UPF2: variants seen among roughly 807,000 people sequenced by gnomAD.
The protein encoded by UPF2 is UPF2 regulator of nonsense mediated mRNA decay.
Under a neutral mutation model 141.4 loss-of-function variants are expected in UPF2, and 17 were observed. The observed-to-expected ratio is 0.12, with a 90% CI of 0.08 to 0.18. The LOEUF (loss-of-function observed/expected upper bound fraction) is 0.18, where lower values mean the gene tolerates loss of function less well. Ranked by LOEUF, UPF2 falls within the 10% of genes least tolerant of loss-of-function variation. The pLI is 1.00. For synonymous variants in UPF2, 540 were observed against 498.0 expected (o/e 1.08, Z -1.12); for missense variants, 1,152 against 1,515.9 (o/e 0.76, Z 3.99).
chr10:12,033,022 G>A (rs1013981859), intron 2 of UPF2, among the ~76,000 whole-genome samples: 3 of 152,104 alleles, frequency 2.0e-5, no homozygotes, highest in Non-Finnish European at 4.4e-5. Context: ...AAAATGGGAA[G>A]AAAGTAGAAG....
chr10:11,988,138 A>C (rs561911241), intron 8 of UPF2, among the ~76,000 whole-genome samples: 1 of 152,366 alleles, frequency 6.6e-6, no homozygotes, highest in Admixed American at 6.5e-5. Flanking sequence ...GCAAATGGCC[A>C]CTAAGCACAT....
At chr10:12,034,053 A>G (rs1240389673) in intron 2 of UPF2, among the ~76,000 whole-genome samples, 1 of 152,228 alleles carries the variant, frequency 6.6e-6, no homozygotes, top group East Asian at 1.9e-4. Flanking sequence ...CAAAAGTTTT[A>G]AAGTCAGACC....
Position 11,935,877 on chromosome 10 carries a change from T to C in UPF2, c.3546+668A>G, listed in dbSNP as rs939127494. 1.3e-5 allele frequency among the ~76,000 whole-genome samples: 2 copies of C among 152,014 alleles called. No homozygotes were observed. Among genetic ancestry groups the C allele is most frequent in the Admixed American group, 6.6e-5 (1 of 15,256 alleles). ...AACGGTTTTGAGGGACCATCTTGTATGAAGGGGGAAAGGGCAAACAAGAAG... is the reference window on the plus strand; with the variant it reads ...AACGGTTTTGAGGGACCATCTTGTACGAAGGGGGAAAGGGCAAACAAGAAG... On this transcript the variant is annotated intron_variant, in intron 19 of 21. Transcript: ENST00000357604. This position sits in a 1 kb window ranked among gnomAD's most constrained non-coding sequence, Gnocchi z 4.9.
Position 11,959,459 on chromosome 10 carries a change from G to C in UPF2, c.2185-103C>G, listed in dbSNP as rs1017796002. On this transcript the variant is annotated intron_variant, in intron 11 of 21. Coordinates refer to ENST00000357604, the MANE Select transcript of UPF2 (RefSeq NM_015542.4). The surrounding 1 kb of genome is among the most constrained non-coding windows in gnomAD (Gnocchi z 5.9). Reference sequence around the variant, plus strand: ...GTGATTTGCTATTTCAAAGTAATGGGTTAGAAAGGCAAAGAAAGGACTGGG... The same window carrying C: ...GTGATTTGCTATTTCAAAGTAATGGCTTAGAAAGGCAAAGAAAGGACTGGG... The C allele has an allele frequency of 3.9e-6, 5 of 1,282,604 alleles. No homozygotes were observed. The highest frequency in any genetic ancestry group is 2.6e-5 in the East Asian group (1 of 39,098). 79.5% of individuals were successfully genotyped at this position (1,282,604 alleles called of 1,614,324 possible). A position where few individuals can be genotyped will look rare whatever the true frequency, so the allele number is the denominator to read the frequency against.
rs1213556333 is a variant in UPF2 at position 11,939,747 on chromosome 10, C to T, written c.3378+2918G>A. Among the ~76,000 whole-genome samples the T allele has an allele frequency of 1.3e-5, 2 of 152,008 alleles. No individual in the cohort carries two copies. Among genetic ancestry groups the T allele is most frequent in the Non-Finnish European group, 2.9e-5 (2 of 67,996 alleles). ...GGCCAGGCTGGTCTTGAACTCCTGACCTCAGGTGATCCACCCGCCTCGGCC... is the reference window on the plus strand; with the variant it reads ...GGCCAGGCTGGTCTTGAACTCCTGATCTCAGGTGATCCACCCGCCTCGGCC... On this transcript the variant is annotated intron_variant, in intron 18 of 21. Coordinates refer to ENST00000357604, the MANE Select transcript of UPF2 (RefSeq NM_015542.4). The surrounding 1 kb of genome is among the most constrained non-coding windows in gnomAD (Gnocchi z 4.8).
chr10:12,042,838 T>C (rs1337926988), upstream of UPF2: 1 of 151,326 alleles, frequency 6.6e-6, no homozygotes, highest in Non-Finnish European at 1.5e-5. This position sits in a 1 kb window ranked among gnomAD's most constrained non-coding sequence, Gnocchi z 5.5. Context: ...CCCCCACCTA[T>C]CTCGCAGCCG....
rs554040980 is a variant in UPF2, at chr10:11,955,843, A to C, written c.2575-336T>G. Among the ~76,000 whole-genome samples, 22 of 152,288 alleles carry C rather than the reference A, an allele frequency of 1.4e-4. No homozygotes were observed. In the South Asian group the frequency reaches 4.4e-3, roughly 30 times the overall value. The stretch of plus-strand genomic sequence containing the variant: ...AGGAAACAATAAATCTGGGTTTTAC[A>C]GTAAGAGGAAACTGTTAGGCCGGGC... On this transcript the variant is annotated intron_variant, in intron 13 of 21. Transcript: ENST00000357604.
chr10:11,968,934 C>G (rs1236833278), intron 9 of UPF2, among the ~76,000 whole-genome samples: 3 of 152,186 alleles, frequency 2.0e-5, no homozygotes, highest in Non-Finnish European at 4.4e-5. Context: ...AATCTCGGCT[C>G]ACTGCGACCT....
chr10:11,934,019 T>C lies in UPF2; in HGVS notation c.3547-2237A>G, dbSNP rs202070400. ...AATTCAACAGACAGATATGTGCATG[T>C]GTGCATGCCTTCCAACTTTACAGCC... On this transcript the variant is annotated intron_variant, in intron 19 of 21. Transcript: ENST00000357604. 2.6e-5 allele frequency among the ~76,000 whole-genome samples: 4 copies of C among 152,226 alleles called. No homozygotes were observed. In the East Asian group the frequency reaches 7.7e-4, roughly 29 times the overall value.
intron 14 of UPF2, among the ~76,000 whole-genome samples, chr10:11,952,714 T>C (rs1344099460): frequency 6.6e-6 from 1 of 152,080 alleles, no homozygotes; most frequent in Non-Finnish European, 1.5e-5. Flanking sequence ...GACCTCGTGA[T>C]CCGCCCGCCT....
Position 12,035,081 on chromosome 10 carries a change from C to T in UPF2, c.343G>A (p.Glu115Lys), listed in dbSNP as rs887020051. The T allele has an allele frequency of 6.4e-7, 1 of 1,571,370 alleles. No homozygotes were observed. Among genetic ancestry groups the T allele is most frequent in the Non-Finnish European group, 8.6e-7 (1 of 1,168,730 alleles). Residue 115 changes from glutamate (E) to lysine (K), a missense_variant, in exon 2 of 22, where the codon GAA becomes AAA. This residue lies in a region of UPF2 where 145 missense variants were observed against 136.5 expected (regional missense o/e 1.06). Transcript: ENST00000357604. ...QEEQAKRQQE[E>K]EAAAQMKEKE... ...TACTTCATCTGAGCAGCTGCTTCTTCTTCTTGCTGACGTTTGGCCTGCTCT... is the reference window on the plus strand; with the variant it reads ...TACTTCATCTGAGCAGCTGCTTCTTTTTCTTGCTGACGTTTGGCCTGCTCT...
intron 16 of UPF2, among the ~76,000 whole-genome samples, chr10:11,944,195 G>A (rs992922773): frequency 6.6e-6 from 1 of 152,068 alleles, no homozygotes; most frequent in Non-Finnish European, 1.5e-5. Flanking sequence ...AAATGAAAAC[G>A]TTTCAAAAAC....
intron 3 of UPF2, among the ~76,000 whole-genome samples, chr10:12,015,043 G>A (rs976727472): frequency 2.6e-5 from 4 of 152,056 alleles, no homozygotes; most frequent in Admixed American, 6.6e-5. Context: ...TATTATATTC[G>A]TATAAATCAC....
chr10:11,927,419 T>G (rs1015136513), intron 21 of UPF2, among the ~76,000 whole-genome samples: 1 of 152,248 alleles, frequency 6.6e-6, no homozygotes, highest in African/African-American at 2.4e-5. Flanking sequence ...ACCGCATTAC[T>G]TTTTACCAAC....
rs1177062602 is a variant in UPF2, at chr10:12,035,256, C to G, written c.168G>C (p.Lys56Asn). ...TCTTATCATCTTCCAGTCTCTTCTT[C>G]TTGTCTTCAGGGGCCTTGCTGACCT... ...KKEVSKAPED[K>N]KKRLEDDKRK... The change falls in exon 2 of 22, where the codon AAG becomes AAC. Residue 56 changes from lysine to asparagine, a missense_variant. This residue lies in a region of UPF2 where 145 missense variants were observed against 136.5 expected (regional missense o/e 1.06). Coordinates refer to ENST00000357604, the MANE Select transcript of UPF2 (RefSeq NM_015542.4). The G allele has an allele frequency of 6.2e-7, 1 of 1,613,670 alleles. No homozygotes were observed. Among genetic ancestry groups the G allele is most frequent in the Non-Finnish European group, 8.5e-7 (1 of 1,179,972 alleles).
At chr10:12,001,627 T>C in intron 6 of UPF2, 49 bp downstream of exon 6, 1 of 1,520,058 alleles carries the variant, frequency 6.6e-7, no homozygotes, top group Non-Finnish European at 8.9e-7. Flanking sequence ...GCAAGAGCTC[T>C]GTGTGTAAAA....
intron 9 of UPF2, among the ~76,000 whole-genome samples, chr10:11,974,768 G>C (rs1378823202): frequency 2.0e-5 from 3 of 152,112 alleles, no homozygotes; most frequent in African/African-American, 7.2e-5. Flanking sequence ...TGTGCTGCTG[G>C]AATTAAAGAG....
chr10:11,974,899 C>T (rs1016118584), intron 9 of UPF2, among the ~76,000 whole-genome samples: 1 of 152,116 alleles, frequency 6.6e-6, no homozygotes, highest in Non-Finnish European at 1.5e-5. Context: ...TTTTATCTCA[C>T]ACATATCTAT....
chr10:11,971,301 C>A (rs968023616), intron 9 of UPF2, among the ~76,000 whole-genome samples: 13 of 147,970 alleles, frequency 8.8e-5, no homozygotes, highest in Middle Eastern at 3.3e-3. Context: ...GTTGCCCAGG[C>A]TGGAGTGCAA....
Sources: allele counts gnomAD v4.1 joint callset (sites outside exome capture counted in the v4.1 genomes callset), GRCh38; gene constraint gnomAD v4.1.1; regional missense constraint gnomAD v4.1.1; non-coding constraint Gnocchi (gnomAD v3.1); transcripts MANE v1.5; gene names NCBI Gene and HGNC (gene_info 2026-07-23, HGNC 2026-07-21).